Variants in LHFPL5 observed in about 807,000 individuals in gnomAD.
LHFPL5 encodes LHFPL tetraspan subfamily member 5 protein.
LHFPL5 carries 12 observed loss-of-function variants against 18.7 expected under a neutral mutation model. The observed-to-expected ratio is 0.64, with a 90% CI of 0.41 to 1.04. The LOEUF (loss-of-function observed/expected upper bound fraction) is 1.04. Among genes scored for constraint, LHFPL5 ranks in the 50% least tolerant of loss-of-function variants. The pLI is 0.00. For missense variants in LHFPL5, 259 were observed against 292.1 expected (o/e 0.89, Z 0.83); for synonymous variants, 111 against 120.2 (o/e 0.92, Z 0.50).
intron 1 of LHFPL5, among the ~76,000 whole-genome samples, chr6:35,807,335 C>CT (rs921637782): frequency 2.0e-5 from 3 of 152,224 alleles, no homozygotes; most frequent in Admixed American, 1.3e-4. Context: ...TGCCTTGAGG[C>CT]AAAACCTCCC....
At chr6:35,816,755 T>TG (rs1441195659) in intron 2 of LHFPL5, among the ~76,000 whole-genome samples, 3 of 142,078 alleles carry the variant, frequency 2.1e-5, no homozygotes, top group African/African-American at 8.0e-5. Flanking sequence ...GAGCTTGCAG[T>TG]GAGCTGAGAT....
intron 3 of LHFPL5, among the ~76,000 whole-genome samples, chr6:35,821,986 C>T (rs1346383576): frequency 6.7e-6 from 1 of 148,884 alleles, no homozygotes; most frequent in Non-Finnish European, 1.5e-5. Context: ...GTCATCCTTC[C>T]ACCTTAGCTT....
At chr6:35,811,902 C>A (rs1382854579) in intron 1 of LHFPL5, among the ~76,000 whole-genome samples, 1 of 152,188 alleles carries the variant, frequency 6.6e-6, no homozygotes, top group African/African-American at 2.4e-5. Context: ...TTACATTCAG[C>A]CCCTGGGAGA....
rs1768920093 is a variant in LHFPL5 at position 35,823,631 on chromosome 6, A to AC, written c.*666_*667insC. 1 of 151,342 alleles carries AC rather than the reference A, an allele frequency of 6.6e-6. No individual in the cohort carries two copies. Among genetic ancestry groups the AC allele is most frequent in the Admixed American group, 6.6e-5 (1 of 15,156 alleles). The allele number at this position is 151,342 out of a possible 1,614,324, so 9.4% of individuals were successfully genotyped here. Reference sequence around the variant, plus strand: ...ATTTTGTTTTCTTATTGCTGCTCAGAGGGGGGTAAGGAATGGAGGGGCCAT... The same window carrying AC: ...ATTTTGTTTTCTTATTGCTGCTCAGACGGGGGGTAAGGAATGGAGGGGCCAT... On this transcript the variant is annotated 3_prime_UTR_variant, in exon 4 of 4. Transcript: ENST00000360215.
chr6:35,821,857 ATTTTTTTT>A (rs763639486), intron 3 of LHFPL5, among the ~76,000 whole-genome samples: 42 of 39,162 alleles, frequency 1.1e-3, no homozygotes, highest in Admixed American at 6.1e-3. Context: ...GTGTACCACA[ATTTTTTTT>A]TTTTTTTTTT....
chr6:35,810,434 A>G (rs1273795730), intron 1 of LHFPL5, among the ~76,000 whole-genome samples: 3 of 152,160 alleles, frequency 2.0e-5, no homozygotes, highest in African/African-American at 7.2e-5. Context: ...CACAAAAAAC[A>G]GGCTGGGCAT....
At chr6:35,809,768 T>C (rs189364473) in intron 1 of LHFPL5, among the ~76,000 whole-genome samples, 133 of 152,364 alleles carry the variant, frequency 8.7e-4, no homozygotes, top group African/African-American at 3.1e-3. Flanking sequence ...CCTCCCAAAG[T>C]GCTGGGATTA....
chr6:35,816,021 A>G (rs1768752530), intron 2 of LHFPL5, among the ~76,000 whole-genome samples: 1 of 152,128 alleles, frequency 6.6e-6, no homozygotes, highest in East Asian at 1.9e-4. Context: ...AATACAAAAA[A>G]TTAGCCGGGT....
chr6:35,822,460 A>G (rs1383007771), intron 3 of LHFPL5, among the ~76,000 whole-genome samples: 51 of 152,070 alleles, frequency 3.4e-4, no homozygotes, highest in Admixed American at 3.3e-3. Flanking sequence ...ATACATAGGG[A>G]AGTGTTTATT....
chr6:35,805,767 A>G lies in LHFPL5; in HGVS notation c.97A>G (p.Thr33Ala). ...CGTGGGCGTGATGTGGGGTACCCTC[A>G]CCATCTGCTTCTCCGTACTGGTCAT... ...RAVGVMWGTL[T>A]ICFSVLVMAL... The change falls in exon 1 of 4, where the codon ACC becomes GCC. Residue 33 changes from threonine to alanine, a missense_variant. Thr to Ala is a moderately conservative substitution (Grantham distance 58, BLOSUM62 0). Coordinates refer to ENST00000360215, the MANE Select transcript of LHFPL5 (RefSeq NM_182548.4). This position sits in a 1 kb window ranked among gnomAD's most constrained non-coding sequence, Gnocchi z 4.3. The G allele has an allele frequency of 6.2e-7, 1 of 1,614,148 alleles. No individual in the cohort carries two copies. Among genetic ancestry groups the G allele is most frequent in the Non-Finnish European group, 8.5e-7 (1 of 1,180,024 alleles).
rs1768911578 is a variant in LHFPL5 at position 35,823,434 on chromosome 6, CACACACATATATAT to C, written c.*477_*490del. The C allele has an allele frequency of 1.3e-4, 16 of 119,868 alleles. No homozygotes were observed. The highest frequency in any genetic ancestry group is 6.1e-4 in the African/African-American group (16 of 26,384). 7.4% of individuals were successfully genotyped at this position (119,868 alleles called of 1,614,324 possible). Reference sequence around the variant, plus strand: ...ACACACACACACACACATACATACACACACACATATATATACACACACACACACACACACACACA... The same window carrying C: ...ACACACACACACACACATACATACACACACACACACACACACACACACACA... On this transcript the variant is annotated 3_prime_UTR_variant, in exon 4 of 4. Coordinates refer to ENST00000360215, the MANE Select transcript of LHFPL5 (RefSeq NM_182548.4).
At chr6:35,810,893 G>A (rs1381901611) in intron 1 of LHFPL5, among the ~76,000 whole-genome samples, 2 of 151,762 alleles carry the variant, frequency 1.3e-5, no homozygotes, top group African/African-American at 4.8e-5. Flanking sequence ...AGCATGAGAA[G>A]TGATGCCGTA....
intron 1 of LHFPL5, chr6:35,811,168 C>T (rs992965714): frequency 1.3e-5 from 2 of 152,166 alleles, no homozygotes; most frequent in African/African-American, 4.8e-5. Flanking sequence ...GGCAGATGGC[C>T]TCACTTAACC....
At position 35,814,133 on chromosome 6, in the gene LHFPL5, G is replaced by A. The variant is rs988558101; in HGVS notation, c.413-413G>A. On this transcript the variant is annotated intron_variant, in intron 1 of 3. Transcript: ENST00000360215. The surrounding 1 kb of genome is among the most constrained non-coding windows in gnomAD (Gnocchi z 4.2). ...TTATTGAGCTTATTTCACAGATGTT[G>A]TAAGTACGAAGAAATGTACATCTCA... 2.6e-5 allele frequency among the ~76,000 whole-genome samples: 4 copies of A among 152,192 alleles called. No individual in the cohort carries two copies. Among genetic ancestry groups the A allele is most frequent in the Admixed American group, 2.0e-4 (3 of 15,276 alleles).
intron 2 of LHFPL5, among the ~76,000 whole-genome samples, chr6:35,815,878 A>G (rs1214637923): frequency 1.3e-5 from 2 of 152,208 alleles, no homozygotes; most frequent in Non-Finnish European, 2.9e-5. Flanking sequence ...TATGTGGTTA[A>G]AGATGAAAAC....
chr6:35,822,051 T>G (rs914100831), intron 3 of LHFPL5, among the ~76,000 whole-genome samples: 14 of 151,192 alleles, frequency 9.3e-5, no homozygotes, highest in Non-Finnish European at 1.8e-4. Flanking sequence ...AATAATTTTG[T>G]TTTTTTTGTT....
intron 1 of LHFPL5, among the ~76,000 whole-genome samples, chr6:35,810,964 T>C (rs942148657): frequency 2.6e-5 from 4 of 152,210 alleles, no homozygotes; most frequent in African/African-American, 9.6e-5. Flanking sequence ...TTCTTGCTTA[T>C]GGTCCGTGCC....
At chr6:35,808,758 C>T (rs922706775) in intron 1 of LHFPL5, among the ~76,000 whole-genome samples, 3 of 151,764 alleles carry the variant, frequency 2.0e-5, no homozygotes, top group African/African-American at 4.8e-5. Flanking sequence ...GCAAACCCCC[C>T]TTCCCTGAAA....
chr6:35,817,399 C>A (rs772153477), intron 2 of LHFPL5, among the ~76,000 whole-genome samples: 2 of 151,740 alleles, frequency 1.3e-5, no homozygotes, highest in African/African-American at 2.4e-5. Context: ...TCAAAAGACA[C>A]CATCAAGAAA....
Sources: gnomAD v4.1 joint callset for allele counts (sites outside exome capture counted in the v4.1 genomes callset) on GRCh38, gnomAD v4.1.1 for gene constraint, Gnocchi (gnomAD v3.1) non-coding constraint, MANE v1.5 for transcripts, NCBI Gene and HGNC (gene_info 2026-07-23, HGNC 2026-07-21) for gene names.